ABCA5: variants seen among roughly 807,000 people sequenced by gnomAD.
The protein encoded by ABCA5 is cholesterol transporter ABCA5.
In ABCA5, 163 loss-of-function variants were observed where a neutral mutation model predicts 206.0. That is an observed-to-expected ratio of 0.79 (90% CI 0.70 to 0.90). The LOEUF (loss-of-function observed/expected upper bound fraction) is 0.90. Ranked by LOEUF, ABCA5 falls within the 40% of genes least tolerant of loss-of-function variation. The pLI is 0.00. For synonymous variants in ABCA5, 609 were observed against 613.8 expected (o/e 0.99, Z 0.11); for missense variants, 1,859 against 1,912.9 (o/e 0.97, Z 0.53).
chr17:69,263,667 C>T (rs1178815488), intron 24 of ABCA5, among the ~76,000 whole-genome samples: 2 of 134,534 alleles, frequency 1.5e-5, no homozygotes, highest in South Asian at 2.3e-4. Context: ...TAATGAAATG[C>T]CTCTGGCTTT....
intron 28 of ABCA5, among the ~76,000 whole-genome samples, chr17:69,257,445 C>A (rs1393418911): frequency 6.6e-6 from 1 of 150,912 alleles, no homozygotes; most frequent in Non-Finnish European, 1.5e-5. Flanking sequence ...GCCTATTAGA[C>A]AATGAAAAGA....
Position 69,294,652 on chromosome 17 carries a change from T to C in ABCA5, c.1495+3A>G, listed in dbSNP as rs1280969184. On this transcript the variant is annotated splice_donor_region_variant and intron_variant, in intron 11 of 38. Transcript: ENST00000392676. Reference sequence around the variant, plus strand: ...TGGCCTGAATACTAGGAAAACTACTTACTTCTCAAAGCCTCCACATTTTCA... The same window carrying C: ...TGGCCTGAATACTAGGAAAACTACTCACTTCTCAAAGCCTCCACATTTTCA... 1.2e-6 allele frequency: 2 copies of C among 1,601,466 alleles called. No individual in the cohort carries two copies. The highest frequency in any genetic ancestry group is 3.3e-5 in the Admixed American group (2 of 59,752).
intron 13 of ABCA5, among the ~76,000 whole-genome samples, chr17:69,289,576 C>A (rs528466117): frequency 6.6e-6 from 1 of 151,980 alleles, no homozygotes; most frequent in East Asian, 1.9e-4. Flanking sequence ...TAAGAGATCA[C>A]TGTGATGGCT....
intron 11 of ABCA5, 41 bp from the exon 12 acceptor site, chr17:69,291,367 T>C (rs2075524538): frequency 8.0e-7 from 1 of 1,251,720 alleles, no homozygotes; most frequent in African/African-American, 1.5e-5. Flanking sequence ...AATTTTTATG[T>C]CTGTTCAGCT....
chr17:69,273,141 A>T (rs915437960), intron 20 of ABCA5, among the ~76,000 whole-genome samples: 32 of 152,268 alleles, frequency 2.1e-4, no homozygotes, highest in African/African-American at 7.7e-4. Context: ...TGGTAAGAAT[A>T]CTAATAGCAA....
Position 69,251,774 on chromosome 17 carries a change from A to G in ABCA5, c.4508T>C (p.Val1503Ala), listed in dbSNP as rs1255669955. ...TAACTGCCCAGACACCATGATAGCT[A>G]CTCGATCACAGACAGCCTCTGCCTC... ...MEEAEAVCDR[V>A]AIMVSGQLRC... The change falls in exon 35 of 39, where the codon GTA becomes GCA. Residue 1503 changes from valine to alanine, a missense_variant. By Grantham distance (64) the Val-to-Ala change is moderately conservative. Coordinates refer to ENST00000392676, the MANE Select transcript of ABCA5 (RefSeq NM_172232.4). The G allele has an allele frequency of 1.2e-6, 2 of 1,614,020 alleles. No homozygotes were observed. Among genetic ancestry groups the G allele is most frequent in the Non-Finnish European group, 1.7e-6 (2 of 1,179,988 alleles).
intron 20 of ABCA5, among the ~76,000 whole-genome samples, chr17:69,273,003 C>G (rs990296679): frequency 3.9e-5 from 6 of 152,192 alleles, no homozygotes; most frequent in African/African-American, 9.6e-5. Context: ...ATAGGAACAA[C>G]TGATCACATA....
At chr17:69,279,186 A>C (rs1694263597) in intron 18 of ABCA5, among the ~76,000 whole-genome samples, 1 of 152,218 alleles carries the variant, frequency 6.6e-6, no homozygotes, top group African/African-American at 2.4e-5. Context: ...ACTTCAGCAA[A>C]GTCTCAGGAT....
At chr17:69,324,075 T>C (rs2145059558) in intron 1 of ABCA5, among the ~76,000 whole-genome samples, 1 of 152,290 alleles carries the variant, frequency 6.6e-6, no homozygotes, top group Admixed American at 6.5e-5. Context: ...ATATTTACTA[T>C]CTGGCACTTT....
intron 6 of ABCA5, 70 bp from the exon 7 acceptor site, chr17:69,304,880 C>A: frequency 7.4e-7 from 1 of 1,347,582 alleles, no homozygotes; most frequent in Non-Finnish European, 9.8e-7. Context: ...TCATTTTAAA[C>A]AAAATTTTTA....
At chr17:69,286,396 G>A in intron 15 of ABCA5, 85 bp from the exon 16 acceptor site, 1 of 1,159,480 alleles carries the variant, frequency 8.6e-7, no homozygotes, top group Non-Finnish European at 1.2e-6. Context: ...TCTCATATGA[G>A]AGTCATCCAC....
chr17:69,247,743 T>C (rs990260191), intron 38 of ABCA5, 99 bp from the exon 39 acceptor site: 3 of 555,980 alleles, frequency 5.4e-6, no homozygotes, highest in African/African-American at 3.9e-5. Flanking sequence ...TATCTAGTTA[T>C]ATCAACAAGT....
At position 69,306,830 on chromosome 17, in the gene ABCA5, G is replaced by A. The variant is rs1416580381; in HGVS notation, c.683C>T (p.Ala228Val). 1 of 1,601,772 alleles carries A rather than the reference G, an allele frequency of 6.2e-7. No homozygotes were observed. The highest frequency in any genetic ancestry group is 8.5e-7 in the Non-Finnish European group (1 of 1,173,590). ...CAAAAAGTATCCAAAAGGTGAAAATGCTATAACTAGGTATATTAAAATTAC... is the reference window on the plus strand; with the variant it reads ...CAAAAAGTATCCAAAAGGTGAAAATACTATAACTAGGTATATTAAAATTAC... ...RGVILIYLVI[A>V]FSPFGYFLAI... Residue 228 changes from alanine (A) to valine (V), a missense_variant, in exon 6 of 39, where the codon GCA becomes GTA. By Grantham distance (64) the Ala-to-Val change is moderately conservative (BLOSUM62 0). Coordinates refer to ENST00000392676, the MANE Select transcript of ABCA5 (RefSeq NM_172232.4).
At chr17:69,266,362 C>G (rs576637106) in intron 23 of ABCA5, among the ~76,000 whole-genome samples, 1 of 151,994 alleles carries the variant, frequency 6.6e-6, no homozygotes, top group East Asian at 1.9e-4. Flanking sequence ...TATAATTTTA[C>G]GAGATGTTAT....
intron 1 of ABCA5, among the ~76,000 whole-genome samples, chr17:69,323,457 T>C (rs2075879216): frequency 6.6e-6 from 1 of 152,224 alleles, no homozygotes; most frequent in African/African-American, 2.4e-5. Flanking sequence ...TGTCCTCCTG[T>C]GTGACCATCC....
intron 23 of ABCA5, 149 bp from the exon 24 acceptor site, chr17:69,265,054 A>G (rs1304064493): frequency 8.7e-6 from 4 of 458,586 alleles, no homozygotes; most frequent in Non-Finnish European, 1.5e-5. Context: ...AGTCCCCCTC[A>G]CACTAAATAC....
At position 69,304,791 on chromosome 17, in the gene ABCA5, A is replaced by T; in HGVS notation, c.808T>A (p.Tyr270Asn). The change falls in exon 7 of 39, where the codon TAT becomes AAT. Residue 270 changes from tyrosine (Y) to asparagine (N), a missense_variant. Tyr to Asn is a moderately radical substitution (Grantham distance 143). Transcript: ENST00000392676. ...GACATAAGAAAAATTAAACTTGTAT[A>T]TAGAAGAACCCAGGAAAGCCTAAAA... is the stretch of plus-strand genomic sequence containing the variant. Reference protein sequence around the residue: ...TAFWLSWVLLYTSLIFLMSLL... With the variant: ...TAFWLSWVLLNTSLIFLMSLL... The T allele has an allele frequency of 6.2e-7, 1 of 1,601,276 alleles. No homozygotes were observed. Among genetic ancestry groups the T allele is most frequent in the East Asian group, 2.2e-5 (1 of 44,466 alleles).
intron 18 of ABCA5, among the ~76,000 whole-genome samples, chr17:69,278,394 C>G (rs765797947): frequency 3.9e-5 from 6 of 152,208 alleles, no homozygotes; most frequent in Non-Finnish European, 7.4e-5. Context: ...AGACTTCTCT[C>G]TTATCACCAT....
In ABCA5 at chr17:69,313,302, A is replaced by G. The variant is rs1298309541; in HGVS notation, c.103-6T>C. On this transcript the variant is annotated splice_region_variant and splice_polypyrimidine_tract_variant and intron_variant, in intron 2 of 38. Coordinates refer to ENST00000392676, the MANE Select transcript of ABCA5 (RefSeq NM_172232.4). ...AATAGTGGAAAAAGAATTTCCTACA[A>G]TAAAAGAAACAAAGTAATTACAAAG... 2 of 1,291,160 alleles carry G rather than the reference A, an allele frequency of 1.5e-6. No homozygotes were observed. The highest frequency in any genetic ancestry group is 2.2e-4 in the Middle Eastern group (1 of 4,512). 80.0% of individuals were successfully genotyped at this position (1,291,160 alleles called of 1,614,324 possible).
Sources: allele counts gnomAD v4.1 joint callset (sites outside exome capture counted in the v4.1 genomes callset), GRCh38; gene constraint gnomAD v4.1.1; transcripts MANE v1.5; gene names NCBI Gene and HGNC (gene_info 2026-07-23, HGNC 2026-07-21).